The following FHIT variants were observed in gnomAD, a reference collection of about 807,000 sequenced individuals.
The protein encoded by FHIT is fragile histidine triad diadenosine triphosphatase.
FHIT carries 19 observed loss-of-function variants against 17.9 expected under a neutral mutation model. That is an observed-to-expected ratio of 1.06 (90% CI 0.74 to 1.56). The LOEUF is 1.56. FHIT is among the 40% of genes most tolerant of loss of function. The pLI is 0.00. For missense variants in FHIT, 248 were observed against 189.2 expected (o/e 1.31, Z -1.82); for synonymous variants, 81 against 69.7 (o/e 1.16, Z -0.81).
At chr3:60,957,834 C>A (rs1470192024) in intron 3 of FHIT, among the ~76,000 whole-genome samples, 4 of 152,236 alleles carry the variant, frequency 2.6e-5, no homozygotes, top group South Asian at 4.1e-4. Context: ...GCACAACTGT[C>A]TATTTATCTC....
intron 3 of FHIT, among the ~76,000 whole-genome samples, chr3:60,914,345 G>T (rs1330266248): frequency 6.6e-6 from 1 of 152,072 alleles, no homozygotes; most frequent in East Asian, 1.9e-4. Flanking sequence ...AGCAGTGCCA[G>T]ATAATAACAG....
intron 5 of FHIT, among the ~76,000 whole-genome samples, chr3:60,017,453 C>T (rs1373217345): frequency 1.3e-5 from 2 of 152,314 alleles, no homozygotes; most frequent in African/African-American, 4.8e-5. Flanking sequence ...TTCAAGGTGA[C>T]TTGGGCTCCA....
At chr3:59,838,615 T>C (rs1387215833) in intron 8 of FHIT, among the ~76,000 whole-genome samples, 1 of 152,158 alleles carries the variant, frequency 6.6e-6, no homozygotes, top group Non-Finnish European at 1.5e-5. Context: ...GGCTTAGGTT[T>C]AGAGACCTGG....
intron 3 of FHIT, among the ~76,000 whole-genome samples, chr3:60,853,094 T>G (rs1387319965): frequency 6.6e-6 from 1 of 152,104 alleles, no homozygotes; most frequent in Non-Finnish European, 1.5e-5. Context: ...CTCCACCATA[T>G]AAGAGCCTCC....
chr3:60,333,360 G>A, intron 5 of FHIT, among the ~76,000 whole-genome samples: 1 of 152,090 alleles, frequency 6.6e-6, no homozygotes, highest in Non-Finnish European at 1.5e-5. Context: ...TAGATCCCTT[G>A]CTTCTAATGG....
intron 4 of FHIT, among the ~76,000 whole-genome samples, chr3:60,805,067 A>G (rs1701334393): frequency 6.6e-6 from 1 of 152,382 alleles, no homozygotes; most frequent in East Asian, 1.9e-4. Context: ...ATTGCTCTGC[A>G]TAAATGAGTA....
At chr3:60,236,378 G>A (rs2107563301) in intron 5 of FHIT, among the ~76,000 whole-genome samples, 1 of 151,312 alleles carries the variant, frequency 6.6e-6, no homozygotes, top group Non-Finnish European at 1.5e-5. Context: ...AATAAATAAA[G>A]GAATGATGAA....
chr3:59,962,612 T>C (rs889580753), intron 7 of FHIT, among the ~76,000 whole-genome samples: 10 of 152,224 alleles, frequency 6.6e-5, no homozygotes, highest in African/African-American at 1.9e-4. Context: ...TCCTCAGGCT[T>C]GTTGACTACA....
At chr3:60,546,534 T>C (rs1200656685) in intron 4 of FHIT, among the ~76,000 whole-genome samples, 1 of 152,182 alleles carries the variant, frequency 6.6e-6, no homozygotes, top group Non-Finnish European at 1.5e-5. Context: ...ACCATCCCTC[T>C]CTCCCCACTT....
intron 5 of FHIT, among the ~76,000 whole-genome samples, chr3:60,031,364 C>T (rs574214322): frequency 1.3e-5 from 2 of 152,178 alleles, no homozygotes; most frequent in Non-Finnish European, 2.9e-5. Context: ...AAGGGTCAAC[C>T]TTTGACTATA....
chr3:60,860,076 C>G (rs1222856228), intron 3 of FHIT, among the ~76,000 whole-genome samples: 1 of 147,418 alleles, frequency 6.8e-6, no homozygotes, highest in Non-Finnish European at 1.5e-5. Context: ...TATGATATAT[C>G]TGATATATGA....
chr3:60,242,787 A>T lies in FHIT; in HGVS notation c.104-228635T>A, dbSNP rs1017871077. Reference sequence around the variant, plus strand: ...TCATAATGGCTGAAAACTCTATTAGACAGCACTGCTTTCAGTCCTTCTTCC... The same window carrying T: ...TCATAATGGCTGAAAACTCTATTAGTCAGCACTGCTTTCAGTCCTTCTTCC... On this transcript the variant is annotated intron_variant, in intron 5 of 9. Transcript: ENST00000492590. Among the ~76,000 whole-genome samples, 3 of 152,170 alleles carry T rather than the reference A, an allele frequency of 2.0e-5. No individual in the cohort carries two copies. The East Asian group carries it at 5.8e-4, about 29-fold the overall frequency.
intron 7 of FHIT, among the ~76,000 whole-genome samples, chr3:59,947,248 A>G (rs780699739): frequency 6.6e-6 from 1 of 152,130 alleles, no homozygotes; most frequent in Non-Finnish European, 1.5e-5. Flanking sequence ...AACAGGTTGC[A>G]TATTTCCAGA....
chr3:60,895,715 T>TTTC (rs1705771097), intron 3 of FHIT, among the ~76,000 whole-genome samples: 2 of 129,076 alleles, frequency 1.5e-5, no homozygotes, highest in East Asian at 4.0e-4. Flanking sequence ...TCTTTCTTTC[T>TTTC]TTCTTTCTTT....
At chr3:60,422,604 G>A (rs999719109) in intron 5 of FHIT, among the ~76,000 whole-genome samples, 4 of 152,096 alleles carry the variant, frequency 2.6e-5, no homozygotes, top group African/African-American at 9.7e-5. Context: ...GACAGTTGCA[G>A]TAACTAAGAT....
intron 5 of FHIT, among the ~76,000 whole-genome samples, chr3:60,464,272 A>G (rs778443121): frequency 1.3e-5 from 2 of 152,148 alleles, no homozygotes; most frequent in African/African-American, 2.4e-5. Context: ...TATGGGGTAC[A>G]AGGGATATTT....
At chr3:60,432,521 T>C (rs77910078) in intron 5 of FHIT, among the ~76,000 whole-genome samples, 1,905 of 152,228 alleles carry the variant, frequency 0.013, 21 homozygotes, top group Non-Finnish European at 0.021. Flanking sequence ...AGCATTTTTA[T>C]CTTAACACAG....
intron 5 of FHIT, among the ~76,000 whole-genome samples, chr3:60,235,223 T>TTCTG (rs1704711070): frequency 8.5e-6 from 1 of 117,884 alleles, no homozygotes; most frequent in Admixed American, 8.8e-5. Context: ...ATATCTATGC[T>TTCTG]TTTGTTTGTT....
intron 7 of FHIT, among the ~76,000 whole-genome samples, chr3:59,985,153 T>C (rs1320068028): frequency 1.3e-5 from 2 of 152,126 alleles, no homozygotes; most frequent in African/African-American, 2.4e-5. Context: ...GAGTGGGGCA[T>C]GCAGCTTCTG....
Sources: allele counts gnomAD v4.1 joint callset (sites outside exome capture counted in the v4.1 genomes callset), GRCh38; gene constraint gnomAD v4.1.1; transcripts MANE v1.5; gene names NCBI Gene and HGNC (gene_info 2026-07-23, HGNC 2026-07-21).